Variants in TLE2 observed in about 807,000 individuals in gnomAD.
The protein encoded by TLE2 is TLE family member 2, transcriptional corepressor.
In TLE2, 74 loss-of-function variants were observed where a neutral mutation model predicts 97.2. The ratio of observed to expected loss-of-function variants is 0.76; its 90% CI spans 0.63 to 0.92. The LOEUF is 0.92. Ranked by LOEUF, TLE2 falls within the 40% of genes least tolerant of loss-of-function variation. The pLI is 0.00. For missense variants in TLE2, 1,038 were observed against 1,008.7 expected, an observed-to-expected ratio of 1.03 and a Z score of -0.39; for synonymous variants, 499 against 432.1, an observed-to-expected ratio of 1.15 and a Z score of -1.92.
intron 14 of TLE2, among the ~76,000 whole-genome samples, chr19:3,006,967 T>C (rs1232616637): frequency 6.6e-6 from 1 of 151,922 alleles, no homozygotes; most frequent in Non-Finnish European, 1.5e-5. Context: ...GTATTTTTAA[T>C]AGAGACAGGG....
intron 1 of TLE2, among the ~76,000 whole-genome samples, chr19:3,042,354 G>C (rs12971833): frequency 0.11 from 11,587 of 109,040 alleles, 1,006 homozygotes; most frequent in Non-Finnish European, 0.14. Context: ...GGAGGGGGCG[G>C]AGGAGGGACG....
At chr19:3,009,930 G>T (rs924869814) in intron 12 of TLE2, among the ~76,000 whole-genome samples, 2 of 151,142 alleles carry the variant, frequency 1.3e-5, no homozygotes, top group Non-Finnish European at 2.9e-5. Context: ...CTGTCGCCAG[G>T]CTGGAGTTCA....
At chr19:3,045,561 A>C (rs532239099) in intron 1 of TLE2, among the ~76,000 whole-genome samples, 1 of 152,112 alleles carries the variant, frequency 6.6e-6, no homozygotes, top group South Asian at 2.1e-4. Flanking sequence ...TTACACCTGT[A>C]ATCCCAACAC....
At chr19:2,998,237 ATGTGTGTGTGTG>A (rs56398458) in intron 19 of TLE2, among the ~76,000 whole-genome samples, 1,637 of 121,394 alleles carry the variant, frequency 0.013, 41 homozygotes, top group African/African-American at 0.052. Context: ...CGCCCGGCCA[ATGTGTGTGTGTG>A]TGTGTGTGTG....
intron 5 of TLE2, among the ~76,000 whole-genome samples, chr19:3,023,315 C>T (rs1022507848): frequency 6.6e-6 from 1 of 152,152 alleles, no homozygotes; most frequent in Admixed American, 6.5e-5. Flanking sequence ...GGATTACAGG[C>T]GTGAGCCACT....
chr19:3,014,735 A>T, intron 9 of TLE2, 121 bp from the exon 10 acceptor site: 1 of 919,352 alleles, frequency 1.1e-6, no homozygotes, highest in Non-Finnish European at 1.5e-6. Flanking sequence ...TGGGATTCTC[A>T]GACCACTGCA....
At chr19:3,006,353 G>A (rs2089477198) in intron 15 of TLE2, 67 bp downstream of exon 15, 10 of 1,557,698 alleles carry the variant, frequency 6.4e-6, no homozygotes, top group African/African-American at 1.4e-5. Context: ...TGCGAACACC[G>A]CCCCATTGGA....
At chr19:3,034,393 C>G (rs2090047586) in intron 1 of TLE2, among the ~76,000 whole-genome samples, 1 of 151,876 alleles carries the variant, frequency 6.6e-6, no homozygotes, top group South Asian at 2.1e-4. Flanking sequence ...GCTCTTCACC[C>G]TAGCACTGGA....
chr19:3,031,720 C>T (rs2090026544), upstream of TLE2, among the ~76,000 whole-genome samples: 1 of 152,166 alleles, frequency 6.6e-6, no homozygotes, highest in East Asian at 1.9e-4. Context: ...AGTCCAGCCT[C>T]AGGGCCATTG....
intron 5 of TLE2, 41 bp downstream of exon 5, chr19:3,024,979 G>C (rs558120079): frequency 1.3e-6 from 2 of 1,518,956 alleles, no homozygotes; most frequent in South Asian, 1.2e-5. Flanking sequence ...GTCTTCTTCC[G>C]GCTCCCTTCC....
chr19:3,018,289 G>A (rs924728341), intron 7 of TLE2, among the ~76,000 whole-genome samples: 2 of 151,502 alleles, frequency 1.3e-5, no homozygotes. Context: ...ATGCCACCAT[G>A]CTTGGCATTT....
At chr19:3,040,793 C>T (rs1006196329) in intron 1 of TLE2, among the ~76,000 whole-genome samples, 10 of 151,686 alleles carry the variant, frequency 6.6e-5, no homozygotes, top group Non-Finnish European at 8.8e-5. Context: ...TGCACCACCA[C>T]GCCTGGCTCA....
At position 2,997,829 on chromosome 19, in the gene TLE2, C is replaced by A. The variant is rs1161220892; in HGVS notation, c.*19G>T. 5 of 1,570,428 alleles carry A rather than the reference C, an allele frequency of 3.2e-6. No homozygotes were observed. The highest frequency in any genetic ancestry group is 4.4e-6 in the Non-Finnish European group (5 of 1,149,240). ...CCCCTGGGAGTCTGGACTTCGGGTACAGGAAGGGGGGTCATGTCTCAGTAG... is the reference window on the plus strand; with the variant it reads ...CCCCTGGGAGTCTGGACTTCGGGTAAAGGAAGGGGGGTCATGTCTCAGTAG... On this transcript the variant is annotated 3_prime_UTR_variant, in exon 20 of 20. Transcript: ENST00000262953.
chr19:3,005,850 T>C lies in TLE2; in HGVS notation c.1619A>G (p.Lys540Arg). The stretch of plus-strand genomic sequence containing the variant: ...TGGGGCTGAGGAAGTCAGCTCGGCC[T>C]TGATACGGGGGGTGGGCGCCGCCAG... ...WDLAAPTPRI[K>R]AELTSSAPAC... The change falls in exon 16 of 20, where the codon AAG becomes AGG. Residue 540 changes from lysine (K) to arginine (R), a missense_variant. Physicochemically the swap from Lys to Arg is conservative, Grantham distance 26. Transcript: ENST00000262953. 1 of 1,613,964 alleles carries C rather than the reference T, an allele frequency of 6.2e-7. No homozygotes were observed. The highest frequency in any genetic ancestry group is 8.5e-7 in the Non-Finnish European group (1 of 1,179,872).
chr19:3,010,747 T>C (rs150752053), intron 12 of TLE2, among the ~76,000 whole-genome samples: 69 of 152,224 alleles, frequency 4.5e-4, no homozygotes, highest in African/African-American at 1.6e-3. Flanking sequence ...GAAACCCAAG[T>C]CTGTCTGGCC....
At chr19:3,002,896 A>G (rs1247110351) in intron 17 of TLE2, among the ~76,000 whole-genome samples, 2 of 151,954 alleles carry the variant, frequency 1.3e-5, no homozygotes, top group Non-Finnish European at 2.9e-5. Context: ...ACGGCGTTTC[A>G]CCGTATTGGC....
At position 3,012,019 on chromosome 19, in the gene TLE2, C is replaced by T. The variant is rs111505545; in HGVS notation, c.874-859G>A. Among the ~76,000 whole-genome samples the T allele has an allele frequency of 4.3e-3, 648 of 151,898 alleles. 2 individuals carry two copies. The highest frequency in any genetic ancestry group is 0.015 in the African/African-American group (612 of 41,436). On this transcript the variant is annotated intron_variant, in intron 11 of 19. Transcript: ENST00000262953. ...CAGCACTTTAGGAGGCCAAGGTGGG[C>T]GGATCACCTGAGATCAGGAGATCTA...
Position 3,019,833 on chromosome 19 carries a change from C to T in TLE2, c.295-60G>A. On this transcript the variant is annotated intron_variant, in intron 5 of 19. Coordinates refer to ENST00000262953, the MANE Select transcript of TLE2 (RefSeq NM_003260.5). The surrounding 1 kb of genome is among the most constrained non-coding windows in gnomAD (Gnocchi z 5.1). The stretch of plus-strand genomic sequence containing the variant: ...TGAGCCCCTGCTCATGCTAGCGGTG[C>T]CCTTGGGGACCTGACCTCTCCCCGC... 6.4e-7 allele frequency: 1 copy of T among 1,560,030 alleles called. No homozygotes were observed. Among genetic ancestry groups the T allele is most frequent in the Non-Finnish European group, 8.7e-7 (1 of 1,153,372 alleles).
At chr19:3,028,023 A>T in intron 3 of TLE2, 150 bp from the exon 4 acceptor site, 1 of 844,626 alleles carries the variant, frequency 1.2e-6, no homozygotes, top group African/African-American at 1.7e-5. Context: ...GTCCCAGAGG[A>T]GGAAGCGGGG....
Sources: gnomAD v4.1 joint callset for allele counts (sites outside exome capture counted in the v4.1 genomes callset) on GRCh38, gnomAD v4.1.1 for gene constraint, Gnocchi (gnomAD v3.1) non-coding constraint, MANE v1.5 for transcripts, NCBI Gene and HGNC (gene_info 2026-07-23, HGNC 2026-07-21) for gene names.